Variants in MYLK4 observed in about 807,000 individuals in gnomAD.
MYLK4 encodes the protein caMLCK like.
MYLK4 carries 46 observed loss-of-function variants against 48.1 expected under a neutral mutation model. The ratio of observed to expected loss-of-function variants is 0.96; its 90% confidence interval spans 0.75 to 1.22. The LOEUF (loss-of-function observed/expected upper bound fraction) is 1.22. MYLK4 is among the 50% of genes most tolerant of loss of function. The pLI, the probability that MYLK4 is intolerant of heterozygous loss-of-function variation, is 0.00. For synonymous variants in MYLK4, 170 were observed against 180.8 expected, an observed-to-expected ratio of 0.94 and a Z score of 0.48; for missense variants, 451 against 486.1, an observed-to-expected ratio of 0.93 and a Z score of 0.68.
the MYLK4 span, among the ~76,000 whole-genome samples, chr6:2,769,526 TCATA>T: frequency 2.0e-5 from 3 of 152,204 alleles, no homozygotes; most frequent in Non-Finnish European, 2.9e-5. Context: ...AACTTTTTAA[TCATA>T]CATAGAATAT....
chr6:2,770,370 A>T, the MYLK4 span: 1 of 1,613,862 alleles, frequency 6.2e-7, no homozygotes, highest in Non-Finnish European at 8.5e-7. Context: ...GAGTAAGTTG[A>T]CAGTGTGCAG....
At chr6:2,687,195 T>C (rs1323279448) in intron 4 of MYLK4, among the ~76,000 whole-genome samples, 1 of 152,218 alleles carries the variant, frequency 6.6e-6, no homozygotes, top group African/African-American at 2.4e-5. Flanking sequence ...GTTGCAATAT[T>C]TCTGCCAAAA....
chr6:2,683,578 C>T lies in MYLK4; in HGVS notation c.546-416G>A, dbSNP rs541932366. ...GGGATTAGAGGCATGCGCCACCATG[C>T]CCGGCTAATTTTTGTATTTTTAGTA... On this transcript the variant is annotated intron_variant, in intron 6 of 12. Coordinates refer to ENST00000274643, the MANE Select transcript of MYLK4 (RefSeq NM_001012418.5). Among the ~76,000 whole-genome samples the T allele has an allele frequency of 1.4e-4, 22 of 152,182 alleles. No individual in the cohort carries two copies. In the South Asian group the frequency reaches 4.2e-3, roughly 29 times the overall value.
chr6:2,664,220 G>A lies in MYLK4; in HGVS notation c.*3705C>T, dbSNP rs1022171447. On this transcript the variant is annotated 3_prime_UTR_variant, in exon 13 of 13. Transcript: ENST00000274643. ...TGGATAAGAAGACAAACTTGGATCC[G>A]AACTTAAGAAAAAGGAAAGAAGTAA... 6.6e-6 allele frequency: 1 copy of A among 152,264 alleles called. No individual in the cohort carries two copies. Among genetic ancestry groups the A allele is most frequent in the Middle Eastern group, 3.4e-3 (1 of 294 alleles). The allele number at this position is 152,264 out of a possible 1,614,324, so 9.4% of individuals were successfully genotyped here. A position where few individuals can be genotyped will look rare whatever the true frequency, so the allele number is the denominator to read the frequency against.
intron 12 of MYLK4, among the ~76,000 whole-genome samples, chr6:2,668,971 G>T (rs1760773250): frequency 6.6e-6 from 1 of 152,066 alleles, no homozygotes; most frequent in South Asian, 2.1e-4. Context: ...AGGAGGCTGA[G>T]GTAGGAGGAT....
At chr6:2,755,772 T>C (rs746394916), upstream of MYLK4, among the ~76,000 whole-genome samples, 6 of 152,186 alleles carry the variant, frequency 3.9e-5, no homozygotes, top group Non-Finnish European at 7.3e-5. Context: ...CTTCATGACA[T>C]TGATATTTTT....
At chr6:2,703,740 G>A (rs1294556004) in intron 2 of MYLK4, among the ~76,000 whole-genome samples, 1 of 120,156 alleles carries the variant, frequency 8.3e-6, no homozygotes, top group Admixed American at 1.3e-4. Flanking sequence ...GCACGATTTC[G>A]GCTCACTGCA....
At chr6:2,738,808 T>C (rs1257435291) in intron 2 of MYLK4, among the ~76,000 whole-genome samples, 4 of 152,274 alleles carry the variant, frequency 2.6e-5, no homozygotes, top group Non-Finnish European at 4.4e-5. Flanking sequence ...TGACACTTTT[T>C]AATTTTTAGG....
At chr6:2,744,038 C>A in intron 2 of MYLK4, 1 of 399,088 alleles carries the variant, frequency 2.5e-6, no homozygotes. Flanking sequence ...GAAGTCCATT[C>A]TTTGGGAGCA....
the MYLK4 span, among the ~76,000 whole-genome samples, chr6:2,759,049 G>A: frequency 2.0e-5 from 3 of 151,992 alleles, no homozygotes; most frequent in African/African-American, 7.3e-5. Context: ...TAATCTATTG[G>A]GTGTGCAATA....
chr6:2,702,773 T>A (rs972065902), intron 2 of MYLK4, among the ~76,000 whole-genome samples: 1 of 152,184 alleles, frequency 6.6e-6, no homozygotes, highest in African/African-American at 2.4e-5. Context: ...TATACACAAC[T>A]GTTATTTGTC....
rs1277147349 is a variant in MYLK4 at position 2,749,212 on chromosome 6, C to T, written c.83G>A (p.Arg28Lys). The change falls in exon 2 of 13, where the codon AGG becomes AAG. Residue 28 changes from arginine (R) to lysine (K), a missense_variant. Transcript: ENST00000274643. Reference protein sequence around the residue: ...QLEKMAFFQCREEVEKVKCFL... With the variant: ...QLEKMAFFQCKEEVEKVKCFL... The stretch of plus-strand genomic sequence containing the variant: ...ACACTTCACTTTCTCCACCTCTTCC[C>T]TGCACTGAAAAAAGGCCATTTTCTC... 1 of 1,614,048 alleles carries T rather than the reference C, an allele frequency of 6.2e-7. No homozygotes were observed. Among genetic ancestry groups the T allele is most frequent in the Non-Finnish European group, 8.5e-7 (1 of 1,179,926 alleles).
chr6:2,757,025 C>T, the MYLK4 span, among the ~76,000 whole-genome samples: 3 of 152,154 alleles, frequency 2.0e-5, no homozygotes, highest in African/African-American at 7.2e-5. Context: ...CAAATGTTGG[C>T]CTCCTTGTCC....
At chr6:2,738,748 C>T (rs1763788829) in intron 2 of MYLK4, among the ~76,000 whole-genome samples, 2 of 152,176 alleles carry the variant, frequency 1.3e-5, no homozygotes, top group African/African-American at 4.8e-5. Context: ...AAAAACTGTC[C>T]TTAGAAAATT....
In MYLK4 at chr6:2,737,985, GGGGGGGT is replaced by G. The variant is rs1561878041; in HGVS notation, c.159+11144_159+11150del. On this transcript the variant is annotated intron_variant, in intron 2 of 12. Transcript: ENST00000274643. The stretch of plus-strand genomic sequence containing the variant: ...GGGTGGGGTGCCGGGGGCGGGTGGG[GGGGGGGT>G]GGTCAATGTTATTAACCCCAGATGA... 5.3e-4 allele frequency among the ~76,000 whole-genome samples: 62 copies of G among 116,464 alleles called. 18 individuals are homozygous for G. The East Asian group carries it at 0.018, about 34-fold the overall frequency. The allele number at this position is 116,464 out of a possible 152,430, so 76.4% of individuals were successfully genotyped here. A position where few individuals can be genotyped will look rare whatever the true frequency, so the allele number is the denominator to read the frequency against.
the MYLK4 span, among the ~76,000 whole-genome samples, chr6:2,760,126 C>T: frequency 6.6e-6 from 1 of 151,552 alleles, no homozygotes; most frequent in Non-Finnish European, 1.5e-5. Context: ...AATATATGAG[C>T]ATATGTGCAT....
chr6:2,706,950 G>T (rs1454787709), intron 2 of MYLK4, among the ~76,000 whole-genome samples: 1 of 152,102 alleles, frequency 6.6e-6, no homozygotes, highest in East Asian at 1.9e-4. Flanking sequence ...ATATAAAATG[G>T]GGCTCCATCT....
At position 2,692,644 on chromosome 6, in the gene MYLK4, G is replaced by T. The variant is rs761323553; in HGVS notation, c.235+140C>A. ...CAAACACAAGCAAAAAAAAAAAAAG[G>T]GGGGGGGGGGCATTTTTTTATAAAC... is the stretch of plus-strand genomic sequence containing the variant. On this transcript the variant is annotated intron_variant, in intron 3 of 12. Coordinates refer to ENST00000274643, the MANE Select transcript of MYLK4 (RefSeq NM_001012418.5). 4.4e-4 allele frequency: 79 copies of T among 179,968 alleles called. 1 individual carries two copies. The highest frequency in any genetic ancestry group is 1.6e-3 in the Middle Eastern group (1 of 608). The allele number at this position is 179,968 out of a possible 1,614,324, so 11.1% of individuals were successfully genotyped here. A position where few individuals can be genotyped will look rare whatever the true frequency, so the allele number is the denominator to read the frequency against.
At chr6:2,766,987 T>C in the MYLK4 span, among the ~76,000 whole-genome samples, 2 of 152,248 alleles carry the variant, frequency 1.3e-5, no homozygotes, top group African/African-American at 2.4e-5. Flanking sequence ...CTTGAGAATA[T>C]ATTGATTTTA....
Sources: allele counts gnomAD v4.1 joint callset (sites outside exome capture counted in the v4.1 genomes callset), GRCh38; gene constraint gnomAD v4.1.1; transcripts MANE v1.5; gene names NCBI Gene and HGNC (gene_info 2026-07-23, HGNC 2026-07-21).